Variants in FAF2 observed in about 807,000 individuals in gnomAD.
FAF2 encodes the protein Fas associated factor family member 2, also known as FAS-associated factor 2.
In FAF2, 9 loss-of-function variants were observed where a neutral mutation model predicts 62.3. That is an observed-to-expected ratio of 0.14 (90% CI 0.09 to 0.25). The LOEUF is 0.25. Among genes scored for constraint, FAF2 ranks in the 10% least tolerant of loss-of-function variants. The probability of loss-of-function intolerance (pLI) is 1.00; values close to 1 mark genes in which losing one functional copy is unlikely to be tolerated. For synonymous variants in FAF2, 202 were observed against 198.0 expected (o/e 1.02, Z -0.17); for missense variants, 368 against 556.2 (o/e 0.66, Z 3.40).
At chr5:176,455,617 C>T (rs1056089598) in intron 1 of FAF2, among the ~76,000 whole-genome samples, 1 of 151,890 alleles carries the variant, frequency 6.6e-6, no homozygotes, top group African/African-American at 2.4e-5. Context: ...GATTTGGTGG[C>T]GGGTGCCTGT....
intron 1 of FAF2, among the ~76,000 whole-genome samples, chr5:176,451,813 CACATATATATATATACATAT>C (rs1561813411): frequency 3.5e-4 from 15 of 42,672 alleles, no homozygotes; most frequent in African/African-American, 1.0e-3. Context: ...TATATATACA[CACATATATATATATACATAT>C]ATATATATAC....
At position 176,499,208 on chromosome 5, in the gene FAF2, A is replaced by G. The variant is rs1755551153; in HGVS notation, c.1011+123A>G. 10 of 872,886 alleles carry G rather than the reference A, an allele frequency of 1.1e-5. No individual in the cohort carries two copies. The East Asian group carries it at 1.6e-4, about 14-fold the overall frequency. The allele number at this position is 872,886 out of a possible 1,614,324, so 54.1% of individuals were successfully genotyped here. ...AACAGACTAAGAGGGAAAAAAAAAA[A>G]GGAAAAAGGAAAGAAAAAATTACAA... On this transcript the variant is annotated intron_variant, in intron 9 of 10. Coordinates refer to ENST00000261942, the MANE Select transcript of FAF2 (RefSeq NM_014613.3).
intron 1 of FAF2, among the ~76,000 whole-genome samples, chr5:176,469,053 T>C (rs1442969674): frequency 6.6e-6 from 1 of 152,200 alleles, no homozygotes; most frequent in Non-Finnish European, 1.5e-5. Context: ...GAGACCAGCC[T>C]GGCCAACATG....
intron 1 of FAF2, among the ~76,000 whole-genome samples, chr5:176,464,247 C>T (rs374203527): frequency 6.6e-6 from 1 of 152,188 alleles, no homozygotes; most frequent in African/African-American, 2.4e-5. Flanking sequence ...CACACCCAGC[C>T]CCCACCTATT....
At chr5:176,451,200 G>A (rs1481374029) in intron 1 of FAF2, among the ~76,000 whole-genome samples, 4 of 152,000 alleles carry the variant, frequency 2.6e-5, no homozygotes, top group Non-Finnish European at 4.4e-5. Flanking sequence ...GCAAAACCTC[G>A]TCTCTACTAA....
chr5:176,480,963 AAAAT>A (rs908641501), intron 2 of FAF2, among the ~76,000 whole-genome samples: 6 of 152,332 alleles, frequency 3.9e-5, no homozygotes, highest in Middle Eastern at 3.4e-3. Flanking sequence ...ATAATTTAAA[AAAAT>A]AAATAAATGA....
At chr5:176,465,999 T>C (rs933861265) in intron 1 of FAF2, among the ~76,000 whole-genome samples, 2 of 152,266 alleles carry the variant, frequency 1.3e-5, no homozygotes, top group African/African-American at 4.8e-5. Context: ...ACAAGGCGTG[T>C]AACTTTTTGA....
At chr5:176,465,610 G>T (rs1329458298) in intron 1 of FAF2, among the ~76,000 whole-genome samples, 3 of 152,022 alleles carry the variant, frequency 2.0e-5, no homozygotes, top group African/African-American at 7.2e-5. Flanking sequence ...CAGGTGATCT[G>T]CCCTCCTTGG....
intron 3 of FAF2, among the ~76,000 whole-genome samples, chr5:176,487,321 C>G (rs1044868161): frequency 1.3e-5 from 2 of 152,104 alleles, no homozygotes; most frequent in East Asian, 3.9e-4. Flanking sequence ...GTAGCTGGGA[C>G]TACAGGTGTG....
chr5:176,496,736 C>T, intron 8 of FAF2, 73 bp downstream of exon 8: 1 of 1,177,698 alleles, frequency 8.5e-7, no homozygotes, highest in Non-Finnish European at 1.2e-6. Context: ...TGGGGCTCTA[C>T]CAATCCTGAC....
chr5:176,506,281 AAT>A (rs1237416407), intron 10 of FAF2, among the ~76,000 whole-genome samples: 3 of 152,010 alleles, frequency 2.0e-5, no homozygotes, highest in African/African-American at 7.2e-5. Flanking sequence ...CCTGAATAAT[AAT>A]ATGTTATAGA....
intron 2 of FAF2, among the ~76,000 whole-genome samples, chr5:176,484,840 T>C (rs1006186652): frequency 1.3e-5 from 2 of 148,304 alleles, no homozygotes; most frequent in Non-Finnish European, 3.0e-5. Flanking sequence ...TGCAGTGAGC[T>C]GAGATCATGC....
intron 2 of FAF2, 88 bp from the exon 3 acceptor site, chr5:176,486,267 T>C (rs1581069425): frequency 2.0e-6 from 3 of 1,531,492 alleles, no homozygotes; most frequent in South Asian, 2.4e-5. Context: ...CATCCTGTTT[T>C]GGAATACCAC....
intron 2 of FAF2, among the ~76,000 whole-genome samples, chr5:176,481,599 G>T (rs1024736776): frequency 6.6e-6 from 1 of 151,970 alleles, no homozygotes; most frequent in African/African-American, 2.4e-5. Flanking sequence ...AGAGCTTGCA[G>T]TGAGCTGAGA....
intron 2 of FAF2, among the ~76,000 whole-genome samples, chr5:176,485,513 G>A (rs974020864): frequency 2.0e-5 from 3 of 152,224 alleles, no homozygotes; most frequent in Admixed American, 1.3e-4. Flanking sequence ...CATCTCTTTG[G>A]GTAAGGTCAA....
intron 1 of FAF2, among the ~76,000 whole-genome samples, chr5:176,465,171 G>A (rs573427459): frequency 6.6e-5 from 10 of 151,876 alleles, no homozygotes; most frequent in Non-Finnish European, 1.2e-4. Flanking sequence ...GATTACAGGC[G>A]TGAGCCACAG....
intron 1 of FAF2, among the ~76,000 whole-genome samples, chr5:176,452,519 G>T (rs1483372154): frequency 2.6e-5 from 4 of 152,226 alleles, no homozygotes; most frequent in African/African-American, 9.6e-5. Context: ...CTACTAGGTA[G>T]TGGAATTCTA....
chr5:176,481,319 T>A (rs1758780425), intron 2 of FAF2, among the ~76,000 whole-genome samples: 1 of 152,138 alleles, frequency 6.6e-6, no homozygotes, highest in South Asian at 2.1e-4. Context: ...GTGCTAGGAT[T>A]ACAGGCATGA....
chr5:176,506,070 A>C (rs1755679045), intron 10 of FAF2, among the ~76,000 whole-genome samples: 1 of 151,606 alleles, frequency 6.6e-6, no homozygotes, highest in Admixed American at 6.6e-5. Flanking sequence ...GGGCGCTTGC[A>C]CTCCCAGCTA....
Sources: gnomAD v4.1 joint callset for allele counts (sites outside exome capture counted in the v4.1 genomes callset) on GRCh38, gnomAD v4.1.1 for gene constraint, MANE v1.5 for transcripts, NCBI Gene and HGNC (gene_info 2026-07-23, HGNC 2026-07-21) for gene names.